Variants in SLC12A2 observed in about 807,000 individuals in gnomAD.
The protein encoded by SLC12A2 is Na-K-2Cl cotransporter 1.
In SLC12A2, 67 loss-of-function variants were observed where a neutral mutation model predicts 136.3. The ratio of observed to expected loss-of-function variants is 0.49; its 90% CI spans 0.40 to 0.60. The LOEUF is 0.60. Ranked by LOEUF, SLC12A2 falls within the 20% of genes least tolerant of loss-of-function variation. The probability of loss-of-function intolerance (pLI) is 0.00; values close to 1 mark genes in which losing one functional copy is unlikely to be tolerated. For missense variants in SLC12A2, 1,322 were observed against 1,534.7 expected (o/e 0.86, Z 2.32); for synonymous variants, 619 against 562.9 (o/e 1.10, Z -1.41).
chr5:128,104,654 T>G (rs940197255), intron 1 of SLC12A2, among the ~76,000 whole-genome samples: 31 of 135,970 alleles, frequency 2.3e-4, no homozygotes, highest in African/African-American at 6.7e-4. Context: ...AAAAAATATA[T>G]ATATATAGAT....
At chr5:128,113,425 T>A (rs1761229292) in intron 2 of SLC12A2, among the ~76,000 whole-genome samples, 1 of 152,134 alleles carries the variant, frequency 6.6e-6, no homozygotes, top group Admixed American at 6.5e-5. Flanking sequence ...GTGCATAGAT[T>A]TAGGTGGTTA....
At chr5:128,166,686 T>C (rs1763214545) in intron 17 of SLC12A2, among the ~76,000 whole-genome samples, 1 of 152,068 alleles carries the variant, frequency 6.6e-6, no homozygotes, top group African/African-American at 2.4e-5. Flanking sequence ...TTAAGGGTTA[T>C]AGAATTTCTG....
chr5:128,098,998 C>T (rs1180972395), intron 1 of SLC12A2, among the ~76,000 whole-genome samples: 1 of 152,150 alleles, frequency 6.6e-6, no homozygotes, highest in Admixed American at 6.6e-5. Context: ...TAAAAAGCAG[C>T]AAAGTCAGGG....
At chr5:128,161,579 G>T in intron 16 of SLC12A2, 81 bp from the exon 17 acceptor site, 1 of 872,712 alleles carries the variant, frequency 1.1e-6, no homozygotes, top group South Asian at 5.0e-5. Flanking sequence ...TTTCAAGCCA[G>T]TATAACAGGA....
intron 5 of SLC12A2, 49 bp from the exon 6 acceptor site, chr5:128,134,116 T>C (rs1174816360): frequency 1.0e-6 from 1 of 956,166 alleles, no homozygotes. Flanking sequence ...TGTGAATGTG[T>C]ATAAAAATAA....
At chr5:128,109,609 C>A in intron 1 of SLC12A2, 1 of 749,966 alleles carries the variant, frequency 1.3e-6, no homozygotes, top group South Asian at 1.4e-5. Context: ...AAGCAGACAT[C>A]GTCCTTCCTA....
intron 1 of SLC12A2, among the ~76,000 whole-genome samples, chr5:128,087,466 C>T (rs1285597878): frequency 6.6e-6 from 1 of 151,972 alleles, no homozygotes; most frequent in Admixed American, 6.6e-5. Flanking sequence ...TTTGGGAAGG[C>T]GTTTTTTTGA....
chr5:128,147,340 A>G (rs1273673754), intron 10 of SLC12A2, among the ~76,000 whole-genome samples: 1 of 151,640 alleles, frequency 6.6e-6, no homozygotes. Flanking sequence ...CCCTAAGTTG[A>G]TCATTGTTGA....
chr5:128,083,837 G>A lies in SLC12A2; in HGVS notation c.-118G>A. On this transcript the variant is annotated 5_prime_UTR_variant, in exon 1 of 27. Coordinates refer to ENST00000262461, the MANE Select transcript of SLC12A2 (RefSeq NM_001046.3). The stretch of plus-strand genomic sequence containing the variant: ...GGCTAGCGGCGGCCCGCAGGCGGCG[G>A]GGAGAAAGACTCTCTCACCTGGTCT... The A allele has an allele frequency of 1.3e-6, 1 of 775,948 alleles. No individual in the cohort carries two copies. Among genetic ancestry groups the A allele is most frequent in the Non-Finnish European group, 1.7e-6 (1 of 578,036 alleles). The allele number at this position is 775,948 out of a possible 1,614,324, so 48.1% of individuals were successfully genotyped here.
At chr5:128,182,206 A>C (rs1291989411) in intron 23 of SLC12A2, among the ~76,000 whole-genome samples, 1 of 152,130 alleles carries the variant, frequency 6.6e-6, no homozygotes, top group Non-Finnish European at 1.5e-5. Context: ...TCAATTTAAA[A>C]ACATTTTTAT....
chr5:128,137,869 A>G (rs1374006686), intron 7 of SLC12A2, among the ~76,000 whole-genome samples: 2 of 152,286 alleles, frequency 1.3e-5, no homozygotes, highest in South Asian at 2.1e-4. Context: ...AAATCTATAC[A>G]GATAGTAAAG....
chr5:128,171,375 T>C (rs927919845), intron 18 of SLC12A2, among the ~76,000 whole-genome samples: 2 of 152,120 alleles, frequency 1.3e-5, no homozygotes, highest in Admixed American at 6.6e-5. Context: ...TTCTATAATT[T>C]AACTTAGTAG....
intron 10 of SLC12A2, among the ~76,000 whole-genome samples, chr5:128,145,751 G>A (rs1762512615): frequency 6.6e-6 from 1 of 152,026 alleles, no homozygotes; most frequent in Non-Finnish European, 1.5e-5. Context: ...GACAGGGATT[G>A]TACCCGTTGC....
chr5:128,099,421 T>C lies in SLC12A2; in HGVS notation c.757-13393T>C, dbSNP rs180825127. 4.6e-5 allele frequency among the ~76,000 whole-genome samples: 7 copies of C among 152,312 alleles called. No individual in the cohort carries two copies. The East Asian group carries it at 1.2e-3, about 25-fold the overall frequency. ...GACTAGAAGTTACTCTGAGTGAATGTAAAGGCCTAACACATTACTGTACAC... is the reference window on the plus strand; with the variant it reads ...GACTAGAAGTTACTCTGAGTGAATGCAAAGGCCTAACACATTACTGTACAC... On this transcript the variant is annotated intron_variant, in intron 1 of 26. Transcript: ENST00000262461.
intron 1 of SLC12A2, among the ~76,000 whole-genome samples, chr5:128,090,908 A>G (rs1276301405): frequency 6.6e-6 from 1 of 152,190 alleles, no homozygotes; most frequent in Non-Finnish European, 1.5e-5. Flanking sequence ...AGATCATGAT[A>G]AAGACTTAGG....
chr5:128,184,756 T>C, intron 25 of SLC12A2, 33 bp from the exon 26 acceptor site: 1 of 1,610,126 alleles, frequency 6.2e-7, no homozygotes. Context: ...TATTTCCACA[T>C]GGTCTAGGAA....
chr5:128,093,378 A>G (rs1334125661), intron 1 of SLC12A2, among the ~76,000 whole-genome samples: 2 of 152,028 alleles, frequency 1.3e-5, no homozygotes, highest in South Asian at 2.1e-4. Context: ...CTGTAGTCCA[A>G]TGACTCCCGA....
chr5:128,175,704 T>A (rs1763518909), intron 20 of SLC12A2, among the ~76,000 whole-genome samples: 1 of 151,996 alleles, frequency 6.6e-6, no homozygotes. Context: ...ATTATTTTTA[T>A]AGAACAGGAA....
chr5:128,182,992 A>G (rs1381421174), intron 24 of SLC12A2, 51 bp downstream of exon 24: 10 of 1,079,006 alleles, frequency 9.3e-6, no homozygotes, highest in Non-Finnish European at 1.2e-5. Flanking sequence ...CTACTCAGAC[A>G]CAGATTCAAC....
Sources: gnomAD v4.1 joint callset for allele counts (sites outside exome capture counted in the v4.1 genomes callset) on GRCh38, gnomAD v4.1.1 for gene constraint, MANE v1.5 for transcripts, NCBI Gene and HGNC (gene_info 2026-07-23, HGNC 2026-07-21) for gene names.